Variants in ZNF385D observed in about 807,000 individuals in gnomAD.
ZNF385D encodes the protein zinc finger protein 659.
ZNF385D carries 15 observed loss-of-function variants against 35.8 expected under a neutral mutation model. That is an observed-to-expected ratio of 0.42 (90% CI 0.28 to 0.64). The LOEUF (loss-of-function observed/expected upper bound fraction) is 0.64. Among genes scored for constraint, ZNF385D ranks in the 30% least tolerant of loss-of-function variants. The pLI is 0.23. For missense variants in ZNF385D, 474 were observed against 494.6 expected, an observed-to-expected ratio of 0.96 and a Z score of 0.39; for synonymous variants, 212 against 186.8, an observed-to-expected ratio of 1.13 and a Z score of -1.10.
chr3:22,056,311 C>T (rs1466734110), intron 3 of ZNF385D, among the ~76,000 whole-genome samples: 2 of 119,278 alleles, frequency 1.7e-5, no homozygotes, highest in Admixed American at 8.7e-5. Flanking sequence ...AAAAAAAATT[C>T]AATGTGATAC....
chr3:21,433,764 A>G (rs990688384), intron 5 of ZNF385D, among the ~76,000 whole-genome samples: 1 of 152,068 alleles, frequency 6.6e-6, no homozygotes, highest in African/African-American at 2.4e-5. Flanking sequence ...ATAAAGGACT[A>G]CTCCCTAAAA....
At chr3:21,869,254 T>C (rs371580012) in intron 3 of ZNF385D, among the ~76,000 whole-genome samples, 9 of 152,114 alleles carry the variant, frequency 5.9e-5, no homozygotes, top group African/African-American at 2.2e-4. Context: ...AGAGATACAA[T>C]GTCAAATAGC....
At chr3:22,093,998 C>A (rs1049037709) in intron 3 of ZNF385D, among the ~76,000 whole-genome samples, 2 of 152,090 alleles carry the variant, frequency 1.3e-5, no homozygotes, top group Non-Finnish European at 2.9e-5. Flanking sequence ...ACCTTGATTT[C>A]TAAAATAATA....
intron 2 of ZNF385D, among the ~76,000 whole-genome samples, chr3:21,645,147 A>ATATAC (rs1022365747): frequency 6.6e-6 from 1 of 152,212 alleles, no homozygotes; most frequent in Non-Finnish European, 1.5e-5. Context: ...TTTCAAAATC[A>ATATAC]TATACTATAT....
At chr3:22,200,829 C>T (rs374513576) in intron 2 of ZNF385D, among the ~76,000 whole-genome samples, 1 of 152,054 alleles carries the variant, frequency 6.6e-6, no homozygotes, top group African/African-American at 2.4e-5. Flanking sequence ...GATATTTCTC[C>T]CATTTGCTTT....
intron 2 of ZNF385D, among the ~76,000 whole-genome samples, chr3:21,623,512 G>A (rs1219881039): frequency 6.6e-6 from 1 of 151,938 alleles, no homozygotes; most frequent in African/African-American, 2.4e-5. Flanking sequence ...GCATGATGGT[G>A]CATGCTTGTA....
chr3:21,616,855 A>G (rs1437535872), intron 2 of ZNF385D, among the ~76,000 whole-genome samples: 1 of 152,222 alleles, frequency 6.6e-6, no homozygotes, highest in East Asian at 1.9e-4. Flanking sequence ...TCAGTGTTAT[A>G]AAAGGAAATG....
At chr3:21,870,574 T>A (rs1697635363) in intron 3 of ZNF385D, among the ~76,000 whole-genome samples, 1 of 152,194 alleles carries the variant, frequency 6.6e-6, no homozygotes, top group Admixed American at 6.6e-5. Context: ...ATATTTATGA[T>A]CAATAAATGT....
chr3:21,675,575 T>G (rs1483584290), intron 1 of ZNF385D, among the ~76,000 whole-genome samples: 1 of 152,056 alleles, frequency 6.6e-6, no homozygotes, highest in Non-Finnish European at 1.5e-5. Flanking sequence ...AGATTGCCCT[T>G]TTTTGATGAA....
At chr3:21,965,262 T>C (rs901498425) in intron 3 of ZNF385D, among the ~76,000 whole-genome samples, 4 of 152,260 alleles carry the variant, frequency 2.6e-5, no homozygotes, top group African/African-American at 9.6e-5. Context: ...TAGCAAGGAT[T>C]AAAAATTAAA....
intron 3 of ZNF385D, among the ~76,000 whole-genome samples, chr3:22,151,552 A>G (rs897184998): frequency 6.6e-6 from 1 of 152,172 alleles, no homozygotes; most frequent in Non-Finnish European, 1.5e-5. Context: ...AAACAAACCA[A>G]CAAGGTCTGC....
At chr3:22,234,757 C>T (rs975903354) in intron 2 of ZNF385D, among the ~76,000 whole-genome samples, 1 of 151,734 alleles carries the variant, frequency 6.6e-6, no homozygotes, top group Non-Finnish European at 1.5e-5. Flanking sequence ...AGACTTTATT[C>T]TCTGCGAATG....
rs143986114 is a variant in ZNF385D at position 22,241,650 on chromosome 3, C to G, written c.107-72615G>C. 1.7e-3 allele frequency among the ~76,000 whole-genome samples: 260 copies of G among 151,208 alleles called. 12 individuals carry two copies. The highest frequency in any genetic ancestry group is 6.3e-3 in the African/African-American group (258 of 41,014). ...TTACTCAGGGTAGAATTTTCTTGAA[C>G]ATCCATTTTCTTTCTTTTTTTCTTT... On this transcript the variant is annotated intron_variant, in intron 2 of 5. Coordinates refer to the ZNF385D transcript ENST00000494108.
At chr3:22,279,930 C>T (rs1701652242) in intron 2 of ZNF385D, among the ~76,000 whole-genome samples, 1 of 152,066 alleles carries the variant, frequency 6.6e-6, no homozygotes. Flanking sequence ...TTTTTCACCA[C>T]ATCCATGCCA....
At chr3:21,691,939 C>A (rs2067299996) in intron 1 of ZNF385D, among the ~76,000 whole-genome samples, 1 of 152,142 alleles carries the variant, frequency 6.6e-6, no homozygotes, top group Non-Finnish European at 1.5e-5. Flanking sequence ...CTCTATGAAT[C>A]TGACTACTCT....
At chr3:22,021,044 A>C (rs576060914) in intron 3 of ZNF385D, among the ~76,000 whole-genome samples, 2 of 152,124 alleles carry the variant, frequency 1.3e-5, no homozygotes, top group Admixed American at 1.3e-4. Flanking sequence ...GTTCTCATTC[A>C]TAAGTGGGAG....
At chr3:21,835,520 T>A (rs1435687896) in intron 3 of ZNF385D, among the ~76,000 whole-genome samples, 5 of 145,162 alleles carry the variant, frequency 3.4e-5, no homozygotes, top group Non-Finnish European at 4.5e-5. Flanking sequence ...TGATACTACT[T>A]AAAAAAAAAA....
intron 3 of ZNF385D, among the ~76,000 whole-genome samples, chr3:22,026,986 T>G (rs1241230665): frequency 2.0e-5 from 3 of 152,222 alleles, no homozygotes; most frequent in Non-Finnish European, 4.4e-5. Context: ...TTGAGCAAAT[T>G]AACACATATC....
chr3:21,658,104 C>T lies in ZNF385D; in HGVS notation c.165+6782G>A, dbSNP rs145165003. ...ATAAGTGTACATCTAAGCTAAAGTT[C>T]TAGAATAATCTCTATATGTTAAGCA... is the stretch of plus-strand genomic sequence containing the variant. On this transcript the variant is annotated intron_variant, in intron 2 of 7. Coordinates refer to ENST00000281523, the MANE Select transcript of ZNF385D (RefSeq NM_024697.3). Among the ~76,000 whole-genome samples the T allele has an allele frequency of 3.3e-5, 5 of 152,062 alleles. No homozygotes were observed. The East Asian group carries it at 9.7e-4, about 29-fold the overall frequency.
Sources: allele counts gnomAD v4.1 joint callset (sites outside exome capture counted in the v4.1 genomes callset), GRCh38; gene constraint gnomAD v4.1.1; transcripts MANE v1.5; gene names NCBI Gene and HGNC (gene_info 2026-07-23, HGNC 2026-07-21).